Variants in PPARGC1A observed in about 807,000 individuals in gnomAD.
PPARGC1A encodes the protein peroxisome proliferator-activated receptor gamma coactivator 1-alpha.
PPARGC1A carries 25 observed loss-of-function variants against 88.7 expected under a neutral mutation model. The ratio of observed to expected loss-of-function variants is 0.28; its 90% CI spans 0.21 to 0.39. The LOEUF (loss-of-function observed/expected upper bound fraction) is 0.39, where lower values mean the gene tolerates loss of function less well. Ranked by LOEUF, PPARGC1A falls within the 10% of genes least tolerant of loss-of-function variation. The probability of loss-of-function intolerance (pLI) is 1.00; values close to 1 mark genes in which losing one functional copy is unlikely to be tolerated. For missense variants in PPARGC1A, 880 were observed against 968.7 expected, an observed-to-expected ratio of 0.91 and a Z score of 1.22; for synonymous variants, 363 against 355.6, an observed-to-expected ratio of 1.02 and a Z score of -0.24.
At chr4:24,215,356 G>C in the PPARGC1A span, among the ~76,000 whole-genome samples, 1 of 152,254 alleles carries the variant, frequency 6.6e-6, no homozygotes. Flanking sequence ...AGGAAGACCC[G>C]AGCTGACCTT....
At chr4:23,820,016 C>A (rs575458313) in intron 7 of PPARGC1A, among the ~76,000 whole-genome samples, 3 of 152,238 alleles carry the variant, frequency 2.0e-5, no homozygotes, top group South Asian at 4.1e-4. Flanking sequence ...TTTGTCAGTA[C>A]ATTTTTCCAG....
chr4:24,015,593 C>T, the PPARGC1A span, among the ~76,000 whole-genome samples: 1 of 152,076 alleles, frequency 6.6e-6, no homozygotes. Flanking sequence ...AGATCTTCAA[C>T]AGCTCAGAGC....
At chr4:24,386,881 G>GA in the PPARGC1A span, among the ~76,000 whole-genome samples, 1 of 152,106 alleles carries the variant, frequency 6.6e-6, no homozygotes, top group African/African-American at 2.4e-5. Flanking sequence ...CACAAAATTA[G>GA]AAAAAACTAC....
the PPARGC1A span, among the ~76,000 whole-genome samples, chr4:24,355,397 C>G: frequency 6.6e-6 from 1 of 152,150 alleles, no homozygotes; most frequent in African/African-American, 2.4e-5. Flanking sequence ...AAACTCCATG[C>G]CTTTTATTGT....
chr4:24,322,994 C>T, the PPARGC1A span, among the ~76,000 whole-genome samples: 1 of 152,182 alleles, frequency 6.6e-6, no homozygotes, highest in Non-Finnish European at 1.5e-5. Context: ...ACTATCACAT[C>T]ATCCATCATC....
At chr4:24,213,606 G>A in the PPARGC1A span, among the ~76,000 whole-genome samples, 1 of 152,176 alleles carries the variant, frequency 6.6e-6, no homozygotes, top group Non-Finnish European at 1.5e-5. Context: ...GGAGCTGGAA[G>A]CTGGAAAAAA....
the PPARGC1A span, among the ~76,000 whole-genome samples, chr4:24,004,715 C>T: frequency 9.2e-5 from 14 of 152,080 alleles, no homozygotes; most frequent in South Asian, 8.3e-4. Context: ...AAGAACAACA[C>T]GAGCCACACG....
At chr4:23,828,325 G>A (rs530179016) in intron 5 of PPARGC1A, 75 bp downstream of exon 5, 4 of 1,430,920 alleles carry the variant, frequency 2.8e-6, no homozygotes, top group Admixed American at 1.7e-5. Context: ...AGAAGTTGGT[G>A]TGTTCTCAGA....
the PPARGC1A span, among the ~76,000 whole-genome samples, chr4:24,009,518 C>A: frequency 1.3e-5 from 2 of 152,194 alleles, no homozygotes; most frequent in African/African-American, 4.8e-5. Context: ...CAGTGAGAAG[C>A]TGCGCATTTC....
chr4:24,212,853 C>A, the PPARGC1A span, among the ~76,000 whole-genome samples: 2 of 152,158 alleles, frequency 1.3e-5, no homozygotes, highest in South Asian at 4.1e-4. Context: ...TGGTTGTGTC[C>A]CTTCCTACTC....
At chr4:24,078,999 C>G in the PPARGC1A span, among the ~76,000 whole-genome samples, 1 of 151,876 alleles carries the variant, frequency 6.6e-6, no homozygotes, top group African/African-American at 2.4e-5. Context: ...CTGAAAACAC[C>G]ATTTGAACGG....
At chr4:24,447,268 G>A in the PPARGC1A span, among the ~76,000 whole-genome samples, 1 of 152,200 alleles carries the variant, frequency 6.6e-6, no homozygotes, top group Non-Finnish European at 1.5e-5. Flanking sequence ...CAGCTCTGCT[G>A]AGTACACAAG....
rs1165370891 is a variant in PPARGC1A, at chr4:23,812,857, A to C, written c.1909T>G (p.Tyr637Asp). Reference protein sequence around the residue: ...PYSRRPRYDSYEEYQHERLKR... With the variant: ...PYSRRPRYDSDEEYQHERLKR... The stretch of plus-strand genomic sequence containing the variant: ...AGCCTCTCGTGCTGATATTCCTCGT[A>C]GCTGTCATACCTGGGAAACATAACT... Residue 637 changes from tyrosine (Y) to aspartate (D), a missense_variant, in exon 10 of 13, where the codon TAC becomes GAC. Transcript: ENST00000264867. 1 of 1,613,830 alleles carries C rather than the reference A, an allele frequency of 6.2e-7. No homozygotes were observed. The highest frequency in any genetic ancestry group is 8.5e-7 in the Non-Finnish European group (1 of 1,179,986).
chr4:23,811,070 C>T (rs1720808253), intron 10 of PPARGC1A, among the ~76,000 whole-genome samples: 1 of 152,186 alleles, frequency 6.6e-6, no homozygotes, highest in African/African-American at 2.4e-5. Context: ...GCCTTTGAGT[C>T]AGTCTTAGGT....
At chr4:23,894,043 C>A (rs1325925376), upstream of PPARGC1A, among the ~76,000 whole-genome samples, 1 of 152,006 alleles carries the variant, frequency 6.6e-6, no homozygotes, top group African/African-American at 2.4e-5. Context: ...GCATGCAAAT[C>A]GCTGAAAGCC....
At chr4:24,222,277 T>G in the PPARGC1A span, among the ~76,000 whole-genome samples, 1 of 152,220 alleles carries the variant, frequency 6.6e-6, no homozygotes, top group South Asian at 2.1e-4. Flanking sequence ...GCATTACGCT[T>G]GTGAGAGACA....
At chr4:24,071,872 T>C in the PPARGC1A span, among the ~76,000 whole-genome samples, 3 of 152,182 alleles carry the variant, frequency 2.0e-5, no homozygotes, top group South Asian at 6.2e-4. Flanking sequence ...AGTGTTCCCA[T>C]TCTCACATTC....
At chr4:24,209,715 C>T in the PPARGC1A span, among the ~76,000 whole-genome samples, 5 of 152,266 alleles carry the variant, frequency 3.3e-5, no homozygotes, top group African/African-American at 9.6e-5. Flanking sequence ...AGTGTGTCTT[C>T]CATTCATATC....
At chr4:23,833,439 AT>A (rs1447532058) in intron 2 of PPARGC1A, among the ~76,000 whole-genome samples, 1 of 152,196 alleles carries the variant, frequency 6.6e-6, no homozygotes, top group Non-Finnish European at 1.5e-5. Context: ...ATGCTATGAC[AT>A]TAACAATATG....
Sources: gnomAD v4.1 joint callset for allele counts (sites outside exome capture counted in the v4.1 genomes callset) on GRCh38, gnomAD v4.1.1 for gene constraint, MANE v1.5 for transcripts, NCBI Gene and HGNC (gene_info 2026-07-23, HGNC 2026-07-21) for gene names.